The following BBS4 variants were observed in gnomAD, a reference collection of about 807,000 sequenced individuals.
The protein encoded by BBS4 is Bardet-Biedl syndrome 4.
Under a neutral mutation model 71.4 loss-of-function variants are expected in BBS4, and 58 were observed. The observed-to-expected ratio is 0.81, with a 90% CI of 0.66 to 1.01. The LOEUF (loss-of-function observed/expected upper bound fraction) is 1.01, where lower values mean the gene tolerates loss of function less well. Ranked by LOEUF, BBS4 falls within the 50% of genes least tolerant of loss-of-function variation. The pLI, the probability that BBS4 is intolerant of heterozygous loss-of-function variation, is 0.00. For synonymous variants in BBS4, 228 were observed against 216.8 expected (o/e 1.05, Z -0.46); for missense variants, 660 against 607.9 (o/e 1.09, Z -0.90).
chr15:72,730,642 A>G (rs962012436), intron 10 of BBS4, among the ~76,000 whole-genome samples: 5 of 152,202 alleles, frequency 3.3e-5, no homozygotes, highest in African/African-American at 1.2e-4. Flanking sequence ...ATGATTTGAT[A>G]CTACAACTTT....
intron 1 of BBS4, among the ~76,000 whole-genome samples, chr15:72,690,053 G>A (rs1005567726): frequency 1.3e-5 from 2 of 151,908 alleles, no homozygotes; most frequent in Admixed American, 6.6e-5. Flanking sequence ...CTTGTGATCC[G>A]CCCGACTCAG....
chr15:72,703,052 C>G (rs1449135219), intron 2 of BBS4, among the ~76,000 whole-genome samples: 2 of 151,486 alleles, frequency 1.3e-5, no homozygotes, highest in Non-Finnish European at 2.9e-5. Flanking sequence ...ACCTCGTGAT[C>G]CGCCCGCCTC....
chr15:72,710,195 GTTTTTTTT>G (rs66684005), intron 3 of BBS4, among the ~76,000 whole-genome samples: 7 of 103,434 alleles, frequency 6.8e-5, no homozygotes, highest in African/African-American at 1.5e-4. Context: ...ATTTTGTCGA[GTTTTTTTT>G]TTTTTTTTTT....
chr15:72,734,327 A>G (rs1432231800), intron 12 of BBS4, among the ~76,000 whole-genome samples: 1 of 152,248 alleles, frequency 6.6e-6, no homozygotes, highest in Non-Finnish European at 1.5e-5. Context: ...TTCAAACTGG[A>G]TCCTGAACAA....
intron 2 of BBS4, among the ~76,000 whole-genome samples, chr15:72,707,253 A>G (rs182288394): frequency 7.0e-6 from 1 of 141,998 alleles, no homozygotes; most frequent in East Asian, 2.0e-4. Context: ...ATCTTGGCTC[A>G]CTGTAACCTC....
chr15:72,689,693 G>T (rs2064946229), intron 1 of BBS4, among the ~76,000 whole-genome samples: 1 of 143,188 alleles, frequency 7.0e-6, no homozygotes, highest in African/African-American at 2.6e-5. Flanking sequence ...CTGGACTCCA[G>T]CAGGGGCAGA....
chr15:72,687,943 A>T (rs1200468593), intron 1 of BBS4, among the ~76,000 whole-genome samples: 1 of 151,884 alleles, frequency 6.6e-6, no homozygotes, highest in Non-Finnish European at 1.5e-5. Flanking sequence ...AGAAAAAAAA[A>T]AAAAGTAAAT....
intron 4 of BBS4, among the ~76,000 whole-genome samples, chr15:72,713,802 G>GATC (rs1029389977): frequency 6.6e-6 from 1 of 152,134 alleles, no homozygotes; most frequent in Non-Finnish European, 1.5e-5. Flanking sequence ...AATCTTAAGT[G>GATC]ATCATCATCA....
chr15:72,701,569 G>A (rs2065169283), intron 2 of BBS4, among the ~76,000 whole-genome samples: 1 of 150,284 alleles, frequency 6.7e-6, no homozygotes, highest in East Asian at 1.9e-4. Flanking sequence ...TAAAATAAAG[G>A]TGTACAAACG....
chr15:72,732,119 A>G (rs1281546831), intron 12 of BBS4, among the ~76,000 whole-genome samples: 1 of 152,136 alleles, frequency 6.6e-6, no homozygotes, highest in Admixed American at 6.5e-5. Flanking sequence ...TGATGTGAGG[A>G]TTGCATGATT....
At chr15:72,729,217 A>T (rs1482576840) in intron 9 of BBS4, among the ~76,000 whole-genome samples, 20 of 84,214 alleles carry the variant, frequency 2.4e-4, no homozygotes, top group African/African-American at 3.6e-4. Flanking sequence ...AAGCCAGAGC[A>T]TTTCTGTTCT....
chr15:72,686,219 T>A lies in BBS4; in HGVS notation c.-9T>A. ...GACTTCCGGCCGCGCAGCGGTGGGCTGAGCTAAAATGGCTGAGGAGAGAGT... is the reference window on the plus strand; with the variant it reads ...GACTTCCGGCCGCGCAGCGGTGGGCAGAGCTAAAATGGCTGAGGAGAGAGT... On this transcript the variant is annotated 5_prime_UTR_variant, in exon 1 of 16. Transcript: ENST00000268057. 6.4e-7 allele frequency: 1 copy of A among 1,561,036 alleles called. No homozygotes were observed. Among genetic ancestry groups the A allele is most frequent in the African/African-American group, 1.4e-5 (1 of 73,806 alleles).
At chr15:72,709,403 T>G (rs1466229558) in intron 2 of BBS4, among the ~76,000 whole-genome samples, 2 of 152,210 alleles carry the variant, frequency 1.3e-5, no homozygotes, top group Non-Finnish European at 2.9e-5. Context: ...GAAGGAGAGA[T>G]TGAGAAGAGA....
rs139800322 is a variant in BBS4, at chr15:72,702,304, C to G, written c.76+7076C>G. On this transcript the variant is annotated intron_variant, in intron 2 of 15. Transcript: ENST00000268057. ...ATAGTCCTGCCTCTTCCATTAACTA[C>G]TTGTTGAATGTGGACAATTTACTTA... 3.8e-3 allele frequency among the ~76,000 whole-genome samples: 577 copies of G among 152,238 alleles called. 3 individuals carry two copies. Among genetic ancestry groups the G allele is most frequent in the Non-Finnish European group, 6.1e-3 (418 of 68,002 alleles).
chr15:72,701,459 C>T (rs1264457044), intron 2 of BBS4, among the ~76,000 whole-genome samples: 1 of 152,052 alleles, frequency 6.6e-6, no homozygotes, highest in East Asian at 1.9e-4. Context: ...CACATACATA[C>T]TTAGGAGTAG....
At chr15:72,691,852 A>G (rs964790124) in intron 1 of BBS4, among the ~76,000 whole-genome samples, 1 of 151,412 alleles carries the variant, frequency 6.6e-6, no homozygotes. Flanking sequence ...AGTCCCTGCT[A>G]CTCGGGAGGC....
At chr15:72,711,923 A>C (rs894862605) in intron 3 of BBS4, among the ~76,000 whole-genome samples, 1 of 151,594 alleles carries the variant, frequency 6.6e-6, no homozygotes, top group Non-Finnish European at 1.5e-5. Flanking sequence ...GCTGGAGTGC[A>C]GTGGCGCTAT....
intron 2 of BBS4, among the ~76,000 whole-genome samples, chr15:72,700,263 T>TGTGTGTGC (rs1298012803): frequency 1.3e-5 from 2 of 152,208 alleles, no homozygotes; most frequent in Non-Finnish European, 2.9e-5. Context: ...TGGTTTTTTT[T>TGTGTGTGC]GTGTGTGCAT....
intron 2 of BBS4, 40 bp from the exon 3 acceptor site, chr15:72,709,660 A>G (rs941834022): frequency 4.2e-6 from 6 of 1,441,068 alleles, no homozygotes; most frequent in Non-Finnish European, 5.9e-6. Context: ...GAGAAAATCT[A>G]ATGACTGTGT....
Sources: allele counts gnomAD v4.1 joint callset (sites outside exome capture counted in the v4.1 genomes callset), GRCh38; gene constraint gnomAD v4.1.1; transcripts MANE v1.5; gene names NCBI Gene and HGNC (gene_info 2026-07-23, HGNC 2026-07-21).